SLC4A10: variants seen among roughly 807,000 people sequenced by gnomAD.
SLC4A10 encodes the protein sodium-driven chloride bicarbonate exchanger.
SLC4A10 carries 42 observed loss-of-function variants against 137.7 expected under a neutral mutation model. The ratio of observed to expected loss-of-function variants is 0.30; its 90% CI spans 0.24 to 0.39. The LOEUF (loss-of-function observed/expected upper bound fraction) is 0.39. Ranked by LOEUF, SLC4A10 falls within the 10% of genes least tolerant of loss-of-function variation. SLC4A10 has a pLI of 1.00. For missense variants in SLC4A10, 925 were observed against 1,355.0 expected, an observed-to-expected ratio of 0.68 and a Z score of 4.98; for synonymous variants, 474 against 464.1, an observed-to-expected ratio of 1.02 and a Z score of -0.27.
At chr2:161,814,291 A>G (rs2056845373) in intron 3 of SLC4A10, among the ~76,000 whole-genome samples, 1 of 152,154 alleles carries the variant, frequency 6.6e-6, no homozygotes, top group Non-Finnish European at 1.5e-5. Flanking sequence ...ATTCTGACAA[A>G]GCTGCAGAGA....
chr2:161,959,303 G>T (rs1371085284), intron 21 of SLC4A10, among the ~76,000 whole-genome samples: 1 of 152,212 alleles, frequency 6.6e-6, no homozygotes, highest in Non-Finnish European at 1.5e-5. Flanking sequence ...AATTATTTAA[G>T]TAAGTATTGG....
At chr2:161,879,410 A>G in intron 9 of SLC4A10, 122 bp downstream of exon 9, 1 of 1,023,906 alleles carries the variant, frequency 9.8e-7, no homozygotes, top group Non-Finnish European at 1.4e-6. Flanking sequence ...AATCCACAAA[A>G]CTACTATTAA....
At chr2:161,887,998 G>C (rs1041182306) in intron 10 of SLC4A10, among the ~76,000 whole-genome samples, 3 of 152,020 alleles carry the variant, frequency 2.0e-5, no homozygotes, top group African/African-American at 7.2e-5. Flanking sequence ...GTAAGGAAGG[G>C]GTCCAGTTTC....
chr2:161,732,624 C>T (rs2046932052), intron 1 of SLC4A10, among the ~76,000 whole-genome samples: 1 of 152,188 alleles, frequency 6.6e-6, no homozygotes, highest in Middle Eastern at 3.2e-3. Context: ...GATCTTATCA[C>T]ATCCCGAAAG....
At chr2:161,633,357 C>T (rs2033898830) in intron 1 of SLC4A10, among the ~76,000 whole-genome samples, 1 of 151,734 alleles carries the variant, frequency 6.6e-6, no homozygotes, top group Admixed American at 6.6e-5. Context: ...GAACCAAGTG[C>T]ATGGAACTCC....
At chr2:161,634,300 C>T (rs879487549) in intron 1 of SLC4A10, among the ~76,000 whole-genome samples, 17 of 151,726 alleles carry the variant, frequency 1.1e-4, no homozygotes, top group Admixed American at 7.2e-4. Context: ...AGTGATGTTC[C>T]GTTTTCCTTT....
intron 1 of SLC4A10, among the ~76,000 whole-genome samples, chr2:161,651,777 T>G (rs2105590388): frequency 6.6e-6 from 1 of 152,278 alleles, no homozygotes; most frequent in African/African-American, 2.4e-5. Context: ...GGCCAGACCC[T>G]GAGCTTGCTT....
At chr2:161,636,888 A>G (rs2034478189) in intron 1 of SLC4A10, among the ~76,000 whole-genome samples, 1 of 149,322 alleles carries the variant, frequency 6.7e-6, no homozygotes, top group Admixed American at 6.7e-5. Context: ...TTTTATTTTT[A>G]TTTTTATTTG....
chr2:161,788,393 G>T (rs1363438229), intron 2 of SLC4A10, among the ~76,000 whole-genome samples: 2 of 151,988 alleles, frequency 1.3e-5, no homozygotes, highest in Non-Finnish European at 2.9e-5. Flanking sequence ...AGGTGCTTAA[G>T]AGTAAGAATC....
intron 15 of SLC4A10, among the ~76,000 whole-genome samples, chr2:161,918,058 TTA>T (rs1230683945): frequency 6.6e-6 from 1 of 152,224 alleles, no homozygotes; most frequent in Non-Finnish European, 1.5e-5. Context: ...CAAATTCATT[TTA>T]TGATTAATAC....
intron 21 of SLC4A10, among the ~76,000 whole-genome samples, chr2:161,963,120 A>G (rs1273685206): frequency 1.3e-5 from 2 of 152,118 alleles, no homozygotes; most frequent in Non-Finnish European, 2.9e-5. Flanking sequence ...CAAATAATCT[A>G]TATAAAATAA....
At chr2:161,771,796 T>C (rs16846095) in intron 2 of SLC4A10, among the ~76,000 whole-genome samples, 3,939 of 152,014 alleles carry the variant, frequency 0.026, 131 homozygotes, top group African/African-American at 0.079. Context: ...GATTAGCTAA[T>C]TGTTACTAAT....
At chr2:161,730,976 C>A (rs569293347) in intron 1 of SLC4A10, among the ~76,000 whole-genome samples, 2 of 152,270 alleles carry the variant, frequency 1.3e-5, no homozygotes, top group East Asian at 3.9e-4. Flanking sequence ...ATTCCAATAA[C>A]AATTGGTGAA....
chr2:161,632,921 T>A (rs1160707081), intron 1 of SLC4A10, among the ~76,000 whole-genome samples: 1 of 151,672 alleles, frequency 6.6e-6, no homozygotes, highest in Non-Finnish European at 1.5e-5. Context: ...TAACAATAAA[T>A]CATAATGGGC....
At chr2:161,701,895 A>G (rs1028567702) in intron 1 of SLC4A10, among the ~76,000 whole-genome samples, 1 of 151,966 alleles carries the variant, frequency 6.6e-6, no homozygotes, top group African/African-American at 2.4e-5. Context: ...TGAAAAAGAC[A>G]AAAAATAACG....
chr2:161,697,291 C>T (rs923312299), intron 1 of SLC4A10, among the ~76,000 whole-genome samples: 20 of 152,128 alleles, frequency 1.3e-4, no homozygotes, highest in Non-Finnish European at 2.6e-4. Flanking sequence ...TTTTGCTGTG[C>T]AGAAATTCTG....
intron 1 of SLC4A10, among the ~76,000 whole-genome samples, chr2:161,707,258 T>C (rs1426889729): frequency 6.6e-6 from 1 of 151,420 alleles, no homozygotes; most frequent in Non-Finnish European, 1.5e-5. Flanking sequence ...AAAAGTATAA[T>C]TTGGATCAGC....
At position 161,894,807 on chromosome 2, in the gene SLC4A10, C is replaced by CA; in HGVS notation, c.1328dup (p.Asn443LysfsTer30). ...ATCCAAGCATTCGAATAGAGCCTCCCAAAAATGTTCCTTCCCAGGTATGTA... is the reference window on the plus strand; with the variant it reads ...ATCCAAGCATTCGAATAGAGCCTCCCAAAAAATGTTCCTTCCCAGGTATGTA... On this transcript the variant is annotated frameshift_variant, in exon 11 of 27. Transcript: ENST00000446997. LOFTEE classifies it high-confidence loss of function. The CA allele has an allele frequency of 7.3e-7, 1 of 1,376,028 alleles. No homozygotes were observed. The highest frequency in any genetic ancestry group is 9.5e-7 in the Non-Finnish European group (1 of 1,057,236). The allele number at this position is 1,376,028 out of a possible 1,614,324, so 85.2% of individuals were successfully genotyped here.
chr2:161,983,589 C>T lies in SLC4A10; in HGVS notation c.*437C>T. 1 of 183,698 alleles carries T rather than the reference C, an allele frequency of 5.4e-6. No homozygotes were observed. The highest frequency in any genetic ancestry group is 1.1e-5 in the Non-Finnish European group (1 of 89,484). 11.4% of individuals were successfully genotyped at this position (183,698 alleles called of 1,614,324 possible). A position where few individuals can be genotyped will look rare whatever the true frequency, so the allele number is the denominator to read the frequency against. On this transcript the variant is annotated 3_prime_UTR_variant, in exon 27 of 27. Coordinates refer to ENST00000446997, the MANE Select transcript of SLC4A10 (RefSeq NM_001178015.2). ...TTCCTACTTTAGTGACCTGAAGATG[C>T]CTGATAATTTCATTCAGAAGAATTT...
Sources: gnomAD v4.1 joint callset for allele counts (sites outside exome capture counted in the v4.1 genomes callset) on GRCh38, gnomAD v4.1.1 for gene constraint, MANE v1.5 for transcripts, NCBI Gene and HGNC (gene_info 2026-07-23, HGNC 2026-07-21) for gene names.